The following EPHA5 variants were observed in gnomAD, a reference collection of about 807,000 sequenced individuals.
EPHA5 encodes EPH receptor A5.
In EPHA5, 60 loss-of-function variants were observed where a neutral mutation model predicts 105.0. The ratio of observed to expected loss-of-function variants is 0.57; its 90% CI spans 0.46 to 0.71. The LOEUF (loss-of-function observed/expected upper bound fraction) is 0.71. Among genes scored for constraint, EPHA5 ranks in the 30% least tolerant of loss-of-function variants. The probability of loss-of-function intolerance (pLI) is 0.00; values close to 1 mark genes in which losing one functional copy is unlikely to be tolerated. For synonymous variants in EPHA5, 513 were observed against 449.1 expected (o/e 1.14, Z -1.80); for missense variants, 1,218 against 1,274.7 (o/e 0.96, Z 0.68).
Position 65,418,862 on chromosome 4 carries a change from C to CTTTTTTTTTTTTTTTTTTTTTTTTTTTTT in EPHA5, c.1527+1550_1527+1578dup, listed in dbSNP as rs575608289. Among the ~76,000 whole-genome samples, 10 of 47,044 alleles carry CTTTTTTTTTTTTTTTTTTTTTTTTTTTTT rather than the reference C, an allele frequency of 2.1e-4. 1 individual carries two copies. The highest frequency in any genetic ancestry group is 4.4e-4 in the African/African-American group (4 of 9,066). The allele number at this position is 47,044 out of a possible 152,430, so 30.9% of individuals were successfully genotyped here. On this transcript the variant is annotated intron_variant, in intron 6 of 16. Coordinates refer to ENST00000613740, the MANE Select transcript of EPHA5 (RefSeq NM_001281766.3). Reference sequence around the variant, plus strand: ...AACATTCAATACACTTACCTAAACTCTTTTTTTTTTTTTTTTTTTTTTTTT... The same window carrying CTTTTTTTTTTTTTTTTTTTTTTTTTTTTT: ...AACATTCAATACACTTACCTAAACTCTTTTTTTTTTTTTTTTTTTTTTTTTTTTTTTTTTTTTTTTTTTTTTTTTTTTTT...
chr4:65,571,524 G>C (rs932142844), intron 3 of EPHA5, among the ~76,000 whole-genome samples: 6 of 152,052 alleles, frequency 3.9e-5, no homozygotes, highest in Admixed American at 1.3e-4. Context: ...TTCTTAAATA[G>C]GACTGAACAA....
chr4:65,425,001 A>G (rs909408804), intron 5 of EPHA5, among the ~76,000 whole-genome samples: 4 of 152,138 alleles, frequency 2.6e-5, no homozygotes, highest in Non-Finnish European at 2.9e-5. Context: ...TTGTGTAGGC[A>G]GTAAATTATA....
chr4:65,573,559 C>A, intron 3 of EPHA5: 1 of 1,598,018 alleles, frequency 6.3e-7, no homozygotes, highest in East Asian at 2.2e-5. Context: ...AACCTCAAAG[C>A]TAAAAAGCCC....
rs907765792 is a variant in EPHA5, at chr4:65,468,648, A to G, written c.1402+21729T>C. On this transcript the variant is annotated intron_variant, in intron 5 of 16. Coordinates refer to ENST00000613740, the MANE Select transcript of EPHA5 (RefSeq NM_001281766.3). Reference sequence around the variant, plus strand: ...TGTAAAATATATATAACATATATACATATATATGTAAAATATATATAACAT... The same window carrying G: ...TGTAAAATATATATAACATATATACGTATATATGTAAAATATATATAACAT... 9.6e-5 allele frequency among the ~76,000 whole-genome samples: 3 copies of G among 31,176 alleles called. No individual in the cohort carries two copies. The Admixed American group carries it at 1.9e-3, about 20-fold the overall frequency. 20.5% of individuals were successfully genotyped at this position (31,176 alleles called of 152,430 possible). A position where few individuals can be genotyped will look rare whatever the true frequency, so the allele number is the denominator to read the frequency against.
Position 65,365,940 on chromosome 4 carries a change from A to G in EPHA5, c.1979T>C (p.Ile660Thr). The G allele has an allele frequency of 1.2e-6, 2 of 1,607,034 alleles. No individual in the cohort carries two copies. Among genetic ancestry groups the G allele is most frequent in the Non-Finnish European group, 1.7e-6 (2 of 1,175,058 alleles). ...CAAACACATTGTCGTACCTGCTCCA[A>G]TAACTCTCTCAATGGTGATACATGA... ...EASCITIERV[I>T]GAGEFGEVCS... The change falls in exon 10 of 17, where the codon ATT becomes ACT. Residue 660 changes from isoleucine to threonine, a missense_variant. Around this residue, in one of 3 missense-constraint regions of EPHA5, gnomAD observed 971 missense variants for 1,013.5 expected, o/e 0.96. Coordinates refer to ENST00000613740, the MANE Select transcript of EPHA5 (RefSeq NM_001281766.3).
At chr4:65,555,009 A>G (rs1167283212) in intron 3 of EPHA5, among the ~76,000 whole-genome samples, 9 of 100,568 alleles carry the variant, frequency 8.9e-5, no homozygotes, top group African/African-American at 3.6e-4. Flanking sequence ...AAAAAAAAAA[A>G]AAAGTACATG....
chr4:65,590,483 A>G (rs1742529532), intron 3 of EPHA5, among the ~76,000 whole-genome samples: 1 of 152,202 alleles, frequency 6.6e-6, no homozygotes, highest in Non-Finnish European at 1.5e-5. Flanking sequence ...GTTATTGCGA[A>G]TTATACACTT....
At chr4:65,344,535 T>C (rs1722032844) in intron 14 of EPHA5, among the ~76,000 whole-genome samples, 1 of 152,098 alleles carries the variant, frequency 6.6e-6, no homozygotes, top group South Asian at 2.1e-4. Flanking sequence ...TCAAAATATC[T>C]CAAGTGTGAA....
chr4:65,459,450 T>C (rs554617465), intron 5 of EPHA5, among the ~76,000 whole-genome samples: 1 of 151,906 alleles, frequency 6.6e-6, no homozygotes, highest in East Asian at 1.9e-4. Context: ...TATATCTTAG[T>C]ATATATATAA....
intron 3 of EPHA5, among the ~76,000 whole-genome samples, chr4:65,551,779 A>G (rs942014659): frequency 1.4e-4 from 22 of 152,224 alleles, no homozygotes; most frequent in Admixed American, 1.2e-3. Context: ...TTTATAACAC[A>G]TAAAGTTTAT....
At chr4:65,438,613 T>C (rs1725714428) in intron 5 of EPHA5, among the ~76,000 whole-genome samples, 1 of 151,924 alleles carries the variant, frequency 6.6e-6, no homozygotes, top group Non-Finnish European at 1.5e-5. Context: ...ATATGTGAGC[T>C]GAAGCTTAAA....
chr4:65,469,906 G>T (rs1440874833), intron 5 of EPHA5, among the ~76,000 whole-genome samples: 2 of 151,936 alleles, frequency 1.3e-5, no homozygotes, highest in African/African-American at 4.8e-5. Flanking sequence ...CACAAAAATT[G>T]TTAGAAGATA....
chr4:65,489,977 A>C (rs1731245538), intron 5 of EPHA5, among the ~76,000 whole-genome samples: 1 of 152,202 alleles, frequency 6.6e-6, no homozygotes, highest in South Asian at 2.1e-4. Context: ...GCAAATAAAC[A>C]AGCAAATAAA....
Position 65,321,130 on chromosome 4 carries a change from A to G in EPHA5, c.*2984T>C, listed in dbSNP as rs1719607755. ...TTCAAGTATCAGTCTGTTGAAAATTACTCCCTGTACCAATTTTTCAAAGTC... is the reference window on the plus strand; with the variant it reads ...TTCAAGTATCAGTCTGTTGAAAATTGCTCCCTGTACCAATTTTTCAAAGTC... On this transcript the variant is annotated 3_prime_UTR_variant, in exon 17 of 17. Coordinates refer to ENST00000613740, the MANE Select transcript of EPHA5 (RefSeq NM_001281766.3). 1 of 230,500 alleles carries G rather than the reference A, an allele frequency of 4.3e-6. No individual in the cohort carries two copies. Among genetic ancestry groups the G allele is most frequent in the African/African-American group, 2.2e-5 (1 of 45,120 alleles). 14.3% of individuals were successfully genotyped at this position (230,500 alleles called of 1,614,324 possible).
chr4:65,474,077 G>A (rs1375963605), intron 5 of EPHA5, among the ~76,000 whole-genome samples: 2 of 151,848 alleles, frequency 1.3e-5, no homozygotes, highest in East Asian at 1.9e-4. Flanking sequence ...GCTAAATGAC[G>A]AGTTAATGGG....
chr4:65,365,294 T>C (rs766571166), intron 10 of EPHA5, 92 bp from the exon 11 acceptor site: 60 of 1,050,794 alleles, frequency 5.7e-5, no homozygotes, highest in Non-Finnish European at 7.9e-5. Context: ...AAGGCTTAGA[T>C]GAAAAAACAA....
intron 3 of EPHA5, among the ~76,000 whole-genome samples, chr4:65,568,389 C>T (rs1739778565): frequency 6.6e-6 from 1 of 151,002 alleles, no homozygotes; most frequent in South Asian, 2.1e-4. Flanking sequence ...AAAACTCTGT[C>T]CTGTGATATA....
chr4:65,519,081 A>T (rs530470465), intron 3 of EPHA5, among the ~76,000 whole-genome samples: 6 of 152,232 alleles, frequency 3.9e-5, no homozygotes, highest in African/African-American at 1.4e-4. Context: ...ATTCTGGCAA[A>T]CTGAATCCAG....
chr4:65,634,032 A>G (rs137859102), intron 2 of EPHA5, among the ~76,000 whole-genome samples: 2 of 152,046 alleles, frequency 1.3e-5, no homozygotes, highest in Non-Finnish European at 2.9e-5. Flanking sequence ...ACTGCTAACG[A>G]GGAGGAACAG....
Sources: allele counts gnomAD v4.1 joint callset (sites outside exome capture counted in the v4.1 genomes callset), GRCh38; gene constraint gnomAD v4.1.1; regional missense constraint gnomAD v4.1.1; transcripts MANE v1.5; gene names NCBI Gene and HGNC (gene_info 2026-07-23, HGNC 2026-07-21).